Variants in NFASC observed in about 807,000 individuals in gnomAD.
The protein encoded by NFASC is neurofascin, also known as neurofascin homolog.
NFASC carries 43 observed loss-of-function variants against 147.5 expected under a neutral mutation model. The observed-to-expected ratio is 0.29, with a 90% CI of 0.23 to 0.38. NFASC has a LOEUF of 0.38. NFASC is among the 10% of genes least tolerant of loss of function. The probability of loss-of-function intolerance (pLI) is 1.00; values close to 1 mark genes in which losing one functional copy is unlikely to be tolerated. For synonymous variants in NFASC, 622 were observed against 665.5 expected, an observed-to-expected ratio of 0.93 and a Z score of 1.01; for missense variants, 1,320 against 1,689.0, an observed-to-expected ratio of 0.78 and a Z score of 3.83.
chr1:204,879,121 T>C (rs2079609051), intron 1 of NFASC, among the ~76,000 whole-genome samples: 2 of 152,224 alleles, frequency 1.3e-5, no homozygotes, highest in South Asian at 4.1e-4. Context: ...GTCTGTGGCC[T>C]CTTCAACTAG....
At chr1:204,948,797 C>G (rs2093946650) in intron 3 of NFASC, 6 of 497,276 alleles carry the variant, frequency 1.2e-5, no homozygotes, top group Non-Finnish European at 2.0e-5. Context: ...AAGGAGGTCC[C>G]TTGTCAGGCT....
intron 1 of NFASC, among the ~76,000 whole-genome samples, chr1:204,855,345 A>G (rs930914055): frequency 6.6e-6 from 1 of 152,252 alleles, no homozygotes; most frequent in Non-Finnish European, 1.5e-5. Context: ...GAGAAGGAGA[A>G]AGGCCACTGT....
intron 1 of NFASC, among the ~76,000 whole-genome samples, chr1:204,877,442 G>A (rs1429838768): frequency 6.6e-6 from 1 of 152,088 alleles, no homozygotes; most frequent in East Asian, 1.9e-4. Context: ...CAGGCAGGCA[G>A]TTGGTTGAAA....
intron 1 of NFASC, among the ~76,000 whole-genome samples, chr1:204,912,499 C>A (rs1050518911): frequency 6.6e-6 from 1 of 151,598 alleles, no homozygotes; most frequent in Non-Finnish European, 1.5e-5. Flanking sequence ...GAGTTCAAGA[C>A]CAGCCTGGGC....
intron 1 of NFASC, among the ~76,000 whole-genome samples, chr1:204,835,794 C>T (rs895660315): frequency 6.6e-6 from 1 of 152,094 alleles, no homozygotes. Context: ...TGAGCACGTA[C>T]GATGCCCAGC....
chr1:204,965,841 C>T (rs571609251), intron 8 of NFASC, among the ~76,000 whole-genome samples: 48 of 152,340 alleles, frequency 3.2e-4, no homozygotes, highest in South Asian at 2.9e-3. Flanking sequence ...GGAAAGCACA[C>T]GTTTTTGGTG....
chr1:204,849,956 C>T (rs200884915), intron 1 of NFASC, among the ~76,000 whole-genome samples: 10 of 152,176 alleles, frequency 6.6e-5, no homozygotes, highest in African/African-American at 1.7e-4. Flanking sequence ...GGCACTGTGA[C>T]GGTACTTAGA....
rs897944472 is a variant in NFASC, at chr1:204,976,863, G to A, written c.1831+68G>A. The A allele has an allele frequency of 1.9e-6, 3 of 1,571,880 alleles. No homozygotes were observed. In the African/African-American group the frequency reaches 4.1e-5, roughly 21 times the overall value. On this transcript the variant is annotated intron_variant, in intron 16 of 29. Transcript: ENST00000339876. Reference sequence around the variant, plus strand: ...CTCCCCAGCAGCCAGAGAAGCAGTGGCCCGGGGCAGTTCCGAGGGCAGTGC... The same window carrying A: ...CTCCCCAGCAGCCAGAGAAGCAGTGACCCGGGGCAGTTCCGAGGGCAGTGC...
At chr1:204,977,606 C>A in intron 16 of NFASC, 75 bp from the exon 17 acceptor site, 1 of 1,433,160 alleles carries the variant, frequency 7.0e-7, no homozygotes, top group Non-Finnish European at 9.7e-7. Context: ...GCCTCGGCTG[C>A]CTACCCCCAT....
intron 27 of NFASC, among the ~76,000 whole-genome samples, chr1:205,006,267 A>C (rs2096109013): frequency 6.6e-6 from 1 of 152,240 alleles, no homozygotes; most frequent in Admixed American, 6.5e-5. Flanking sequence ...ACTACTTGTT[A>C]TGTGACCAGC....
chr1:204,886,275 C>T (rs887178218), intron 1 of NFASC, among the ~76,000 whole-genome samples: 1 of 152,154 alleles, frequency 6.6e-6, no homozygotes. Flanking sequence ...CTTTTAAGGA[C>T]AGCACTCATT....
chr1:204,876,201 C>T (rs774950448), intron 1 of NFASC, among the ~76,000 whole-genome samples: 3 of 152,024 alleles, frequency 2.0e-5, no homozygotes, highest in African/African-American at 2.4e-5. Context: ...AGTACAGATG[C>T]GTTTTGACAA....
intron 27 of NFASC, chr1:205,009,169 A>ACTC: frequency 2.8e-6 from 1 of 358,504 alleles, no homozygotes; most frequent in Non-Finnish European, 5.4e-6. Flanking sequence ...TCCACCCTGG[A>ACTC]CTCATCCATG....
intron 10 of NFASC, among the ~76,000 whole-genome samples, chr1:204,969,230 G>A (rs1346086513): frequency 6.6e-6 from 1 of 152,184 alleles, no homozygotes; most frequent in Non-Finnish European, 1.5e-5. Context: ...CTTGGTGCCA[G>A]CGCTCCCTCA....
chr1:204,854,156 T>C (rs1337185255), intron 1 of NFASC, among the ~76,000 whole-genome samples: 1 of 151,994 alleles, frequency 6.6e-6, no homozygotes, highest in East Asian at 1.9e-4. Context: ...CTTGGCCAGT[T>C]ATCAATGTCT....
At chr1:204,915,340 G>A (rs2088935029) in intron 1 of NFASC, among the ~76,000 whole-genome samples, 1 of 152,086 alleles carries the variant, frequency 6.6e-6, no homozygotes, top group Non-Finnish European at 1.5e-5. Flanking sequence ...AATATAGAAA[G>A]ATATCTAAGA....
intron 27 of NFASC, among the ~76,000 whole-genome samples, chr1:205,003,232 T>G (rs1343396489): frequency 6.6e-6 from 1 of 152,190 alleles, no homozygotes; most frequent in Non-Finnish European, 1.5e-5. Context: ...CATCATCTAT[T>G]GTTAAAAATT....
Position 205,016,783 on chromosome 1 carries a change from G to C in NFASC, c.*244G>C. The stretch of plus-strand genomic sequence containing the variant: ...CTGGAGCCGTGGCTGAGCTCAGCTG[G>C]AGGGAGCCTGGCCCCTTGCCCGGTC... On this transcript the variant is annotated 3_prime_UTR_variant, in exon 30 of 30. Coordinates refer to ENST00000339876, the MANE Select transcript of NFASC (RefSeq NM_001005388.3). This position sits in a 1 kb window ranked among gnomAD's most constrained non-coding sequence, Gnocchi z 5.1. 1.7e-6 allele frequency: 1 copy of C among 581,872 alleles called. No individual in the cohort carries two copies. The highest frequency in any genetic ancestry group is 1.8e-5 in the South Asian group (1 of 56,500). The allele number at this position is 581,872 out of a possible 1,614,324, so 36.0% of individuals were successfully genotyped here. A position where few individuals can be genotyped will look rare whatever the true frequency, so the allele number is the denominator to read the frequency against.
At chr1:204,925,024 C>CGCCA (rs1243422061) in intron 2 of NFASC, among the ~76,000 whole-genome samples, 1 of 152,078 alleles carries the variant, frequency 6.6e-6, no homozygotes, top group Non-Finnish European at 1.5e-5. Context: ...TACAGGTGCC[C>CGCCA]GCCACATGGC....
Sources: gnomAD v4.1 joint callset for allele counts (sites outside exome capture counted in the v4.1 genomes callset) on GRCh38, gnomAD v4.1.1 for gene constraint, Gnocchi (gnomAD v3.1) non-coding constraint, MANE v1.5 for transcripts, NCBI Gene and HGNC (gene_info 2026-07-23, HGNC 2026-07-21) for gene names.